The following TENM3 variants were observed in gnomAD, a reference collection of about 807,000 sequenced individuals.
TENM3 encodes the protein teneurin transmembrane protein 3.
In TENM3, 63 loss-of-function variants were observed where a neutral mutation model predicts 255.1. The observed-to-expected ratio is 0.25, with a 90% CI of 0.20 to 0.30. The LOEUF (loss-of-function observed/expected upper bound fraction) is 0.30. Among genes scored for constraint, TENM3 ranks in the 10% least tolerant of loss-of-function variants. The pLI, the probability that TENM3 is intolerant of heterozygous loss-of-function variation, is 1.00. For missense variants in TENM3, 2,929 were observed against 3,461.1 expected (o/e 0.85, Z 3.86); for synonymous variants, 1,306 against 1,322.3 (o/e 0.99, Z 0.27).
At chr4:182,709,273 G>A (rs761570035) in intron 12 of TENM3, among the ~76,000 whole-genome samples, 2 of 151,966 alleles carry the variant, frequency 1.3e-5, no homozygotes, top group African/African-American at 2.4e-5. Flanking sequence ...ATAAGCCACC[G>A]CATCCAGCTC....
the TENM3 span, among the ~76,000 whole-genome samples, chr4:181,999,840 G>A: frequency 3.6e-4 from 54 of 152,098 alleles, no homozygotes; most frequent in African/African-American, 1.3e-3. Context: ...CCTCAAACTA[G>A]GTCCTCCAAT....
chr4:182,575,244 C>G (rs1451124506), intron 3 of TENM3, among the ~76,000 whole-genome samples: 1 of 152,170 alleles, frequency 6.6e-6, no homozygotes, highest in Non-Finnish European at 1.5e-5. Flanking sequence ...TATACACAAT[C>G]TCTTTGGATT....
At chr4:181,463,062 T>A in the TENM3 span, among the ~76,000 whole-genome samples, 1 of 152,216 alleles carries the variant, frequency 6.6e-6, no homozygotes. Context: ...TAACGTGACA[T>A]AATTCATTAT....
the TENM3 span, among the ~76,000 whole-genome samples, chr4:181,844,408 C>G: frequency 6.6e-6 from 1 of 151,998 alleles, no homozygotes; most frequent in Non-Finnish European, 1.5e-5. Flanking sequence ...TGTACTCACG[C>G]CTGTAATCCC....
intron 3 of TENM3, among the ~76,000 whole-genome samples, chr4:182,348,735 A>G (rs747942132): frequency 6.6e-6 from 1 of 152,206 alleles, no homozygotes; most frequent in Non-Finnish European, 1.5e-5. Context: ...TGATTTTTAA[A>G]ATTATACATC....
chr4:182,644,665 C>T (rs1752585769), intron 5 of TENM3, among the ~76,000 whole-genome samples: 1 of 152,108 alleles, frequency 6.6e-6, no homozygotes, highest in Admixed American at 6.6e-5. Flanking sequence ...AACATATTGT[C>T]TCAAAATTAT....
intron 12 of TENM3, among the ~76,000 whole-genome samples, chr4:182,705,213 C>T (rs1758183713): frequency 6.6e-6 from 1 of 152,122 alleles, no homozygotes; most frequent in Admixed American, 6.5e-5. Flanking sequence ...GGAATTGGTA[C>T]TTGACTAATC....
At chr4:182,164,719 C>G (rs574293118) in intron 1 of TENM3, among the ~76,000 whole-genome samples, 1 of 152,146 alleles carries the variant, frequency 6.6e-6, no homozygotes, top group Non-Finnish European at 1.5e-5. Context: ...TAACTGGTTG[C>G]GTGACATAGC....
intron 1 of TENM3, among the ~76,000 whole-genome samples, chr4:182,147,726 A>G (rs945951783): frequency 1.3e-5 from 2 of 152,118 alleles, no homozygotes; most frequent in African/African-American, 4.8e-5. Context: ...ATAGTTTGCC[A>G]CCAAACGTTT....
At chr4:182,014,712 G>C in the TENM3 span, among the ~76,000 whole-genome samples, 54 of 152,082 alleles carry the variant, frequency 3.6e-4, no homozygotes, top group Non-Finnish European at 5.9e-4. Flanking sequence ...ATGGGGCACT[G>C]GGGAAGCGTT....
At chr4:182,185,588 G>C (rs1242909526) in intron 1 of TENM3, among the ~76,000 whole-genome samples, 1 of 152,200 alleles carries the variant, frequency 6.6e-6, no homozygotes, top group Non-Finnish European at 1.5e-5. Flanking sequence ...CAGACAGAGA[G>C]TGCGTCAGTT....
chr4:181,906,053 C>T, the TENM3 span: 1 of 384,784 alleles, frequency 2.6e-6, no homozygotes, highest in African/African-American at 2.2e-5. Context: ...CTCTCAACAT[C>T]AGACTGTCCA....
intron 1 of TENM3, among the ~76,000 whole-genome samples, chr4:182,154,035 A>G (rs761602512): frequency 1.6e-4 from 24 of 152,142 alleles, no homozygotes; most frequent in Non-Finnish European, 3.1e-4. Context: ...TTGAAAAACA[A>G]TGATACCTTC....
intron 1 of TENM3, among the ~76,000 whole-genome samples, chr4:182,246,710 A>G (rs1757677992): frequency 6.6e-6 from 1 of 152,168 alleles, no homozygotes; most frequent in African/African-American, 2.4e-5. Context: ...AAATAGAGAG[A>G]TATGAATCAT....
At chr4:181,839,343 G>A in the TENM3 span, among the ~76,000 whole-genome samples, 2 of 84,022 alleles carry the variant, frequency 2.4e-5, no homozygotes, top group South Asian at 4.9e-4. Flanking sequence ...TATGTATTGA[G>A]GGTATATATA....
chr4:182,221,888 G>A (rs1423862147), intron 1 of TENM3, among the ~76,000 whole-genome samples: 1 of 151,986 alleles, frequency 6.6e-6, no homozygotes, highest in Non-Finnish European at 1.5e-5. Flanking sequence ...ATCCTATTTT[G>A]ACAGTTCTTT....
chr4:182,602,656 A>G (rs1748010687), intron 4 of TENM3, among the ~76,000 whole-genome samples: 1 of 151,778 alleles, frequency 6.6e-6, no homozygotes, highest in Admixed American at 6.6e-5. Context: ...TTAGGAAGAG[A>G]AAGAACAGGA....
the TENM3 span, among the ~76,000 whole-genome samples, chr4:182,004,172 G>A: frequency 7.2e-5 from 11 of 152,014 alleles, no homozygotes; most frequent in Non-Finnish European, 1.5e-4. Context: ...ATGTGCCATG[G>A]TGGTTTGCTG....
At chr4:181,972,015 T>C in the TENM3 span, among the ~76,000 whole-genome samples, 10 of 113,492 alleles carry the variant, frequency 8.8e-5, no homozygotes, top group African/African-American at 3.6e-4. Context: ...CTTAGCAAAC[T>C]GCATCAGTTT....
Sources: allele counts gnomAD v4.1 joint callset (sites outside exome capture counted in the v4.1 genomes callset), GRCh38; gene constraint gnomAD v4.1.1; transcripts MANE v1.5; gene names NCBI Gene and HGNC (gene_info 2026-07-23, HGNC 2026-07-21).